SAMD5: variants seen among roughly 807,000 people sequenced by gnomAD.
The protein encoded by SAMD5 is sterile alpha motif domain containing 5.
Under a neutral mutation model 11.3 loss-of-function variants are expected in SAMD5, and 13 were observed. That is an observed-to-expected ratio of 1.15 (90% CI 0.75 to 1.83). The LOEUF (loss-of-function observed/expected upper bound fraction) is 1.83, where lower values mean the gene tolerates loss of function less well. SAMD5 is among the 40% of genes most tolerant of loss of function. SAMD5 has a pLI of 0.00. For missense variants in SAMD5, 255 were observed against 239.1 expected, an observed-to-expected ratio of 1.07 and a Z score of -0.44; for synonymous variants, 129 against 111.3, an observed-to-expected ratio of 1.16 and a Z score of -1.00.
rs75521856 is a variant in SAMD5, at chr6:147,512,118, C to T, written c.459+2731C>T. Among the ~76,000 whole-genome samples the T allele has an allele frequency of 3.5e-4, 54 of 152,198 alleles. No individual in the cohort carries two copies. The East Asian group carries it at 5.6e-3, about 16-fold the overall frequency. ...GATTACAGGCACCTGCCACCACGCC[C>T]GGCTAAGTTTTGTAGTTTTAGTAGA... On this transcript the variant is annotated intron_variant, in intron 1 of 1. Transcript: ENST00000367474.
At chr6:147,768,638 CTATTT>C in the SAMD5 span, among the ~76,000 whole-genome samples, 9 of 152,038 alleles carry the variant, frequency 5.9e-5, no homozygotes, top group African/African-American at 9.7e-5. Flanking sequence ...ATACTTATAC[CTATTT>C]TATTTTATTT....
chr6:147,508,876 C>A lies in SAMD5; in HGVS notation c.-53C>A. 1 of 1,575,894 alleles carries A rather than the reference C, an allele frequency of 6.3e-7. No homozygotes were observed. Among genetic ancestry groups the A allele is most frequent in the Non-Finnish European group, 8.6e-7 (1 of 1,163,142 alleles). ...AAAAGTTCCAAGAACTGGTGCCGCC[C>A]GTGCCATTTGGGCGCTGGGAAGGTG... On this transcript the variant is annotated 5_prime_UTR_variant, in exon 1 of 2. Transcript: ENST00000367474.
chr6:147,679,399 A>G (rs1283880174), intron 1 of SAMD5, among the ~76,000 whole-genome samples: 2 of 152,124 alleles, frequency 1.3e-5, no homozygotes, highest in Non-Finnish European at 2.9e-5. Flanking sequence ...TTAATGATGA[A>G]TGATGTCAGG....
At chr6:147,880,652 C>G in the SAMD5 span, among the ~76,000 whole-genome samples, 3 of 152,064 alleles carry the variant, frequency 2.0e-5, no homozygotes, top group Admixed American at 2.0e-4. Context: ...ACTTGGGAAC[C>G]TTGTCCTCTC....
the SAMD5 span, among the ~76,000 whole-genome samples, chr6:147,745,739 T>A: frequency 6.6e-5 from 10 of 152,040 alleles, no homozygotes; most frequent in Non-Finnish European, 1.0e-4. Flanking sequence ...GAAAAGCTCC[T>A]GTACTAGCTG....
intron 1 of SAMD5, among the ~76,000 whole-genome samples, chr6:147,544,958 A>G (rs1788663067): frequency 6.6e-6 from 1 of 152,242 alleles, no homozygotes; most frequent in Admixed American, 6.5e-5. Context: ...GATTTCAATT[A>G]GAGTTTGTAG....
chr6:147,848,054 A>C, the SAMD5 span, among the ~76,000 whole-genome samples: 1 of 152,206 alleles, frequency 6.6e-6, no homozygotes, highest in Non-Finnish European at 1.5e-5. Context: ...TCCATAACAT[A>C]ACTTTTGATG....
chr6:147,597,559 G>T (rs138539571), intron 1 of SAMD5, among the ~76,000 whole-genome samples: 1 of 152,086 alleles, frequency 6.6e-6, no homozygotes, highest in Non-Finnish European at 1.5e-5. Context: ...ACTGGAAAGC[G>T]TACTTACAAA....
In SAMD5 at chr6:147,565,747, A is replaced by G. The variant is rs1789028920; in HGVS notation, c.*1291A>G. The G allele has an allele frequency of 3.0e-6, 3 of 985,042 alleles. No homozygotes were observed. The African/African-American group carries it at 5.2e-5, about 17-fold the overall frequency. 61.0% of individuals were successfully genotyped at this position (985,042 alleles called of 1,614,324 possible). On this transcript the variant is annotated 3_prime_UTR_variant, in exon 2 of 2. Transcript: ENST00000367474. Reference sequence around the variant, plus strand: ...AGCGCTGGGATTACAGGCGTGAGCCATCACACCCGGCCTGGATGCTGGTAG... The same window carrying G: ...AGCGCTGGGATTACAGGCGTGAGCCGTCACACCCGGCCTGGATGCTGGTAG...
At chr6:147,849,439 G>T in the SAMD5 span, among the ~76,000 whole-genome samples, 1 of 151,750 alleles carries the variant, frequency 6.6e-6, no homozygotes, top group Non-Finnish European at 1.5e-5. Context: ...AAAGAAATAC[G>T]TACTTTTTTT....
chr6:147,909,610 T>TTCTCTCTCTCTCTC, the SAMD5 span, among the ~76,000 whole-genome samples: 17 of 59,752 alleles, frequency 2.8e-4, no homozygotes, highest in Admixed American at 2.3e-3. Flanking sequence ...CTTTCTTTCT[T>TTCTCTCTCTCTCTC]TCTTTCTTTC....
intron 1 of SAMD5, among the ~76,000 whole-genome samples, chr6:147,598,397 T>C (rs1010287110): frequency 1.3e-5 from 2 of 152,186 alleles, no homozygotes; most frequent in African/African-American, 4.8e-5. Flanking sequence ...ATGTTGGGAT[T>C]ACAGGCATGA....
At chr6:147,871,292 C>A in the SAMD5 span, among the ~76,000 whole-genome samples, 3 of 152,004 alleles carry the variant, frequency 2.0e-5, no homozygotes, top group Non-Finnish European at 4.4e-5. Flanking sequence ...TTACATATGA[C>A]AAATTTTTTT....
chr6:147,671,707 A>C, intron 1 of SAMD5, among the ~76,000 whole-genome samples: 1 of 152,210 alleles, frequency 6.6e-6, no homozygotes, highest in East Asian at 1.9e-4. Context: ...GTTTTCATAA[A>C]AATTTTGGAT....
chr6:147,540,146 A>C (rs1788576732), intron 1 of SAMD5, among the ~76,000 whole-genome samples: 1 of 152,132 alleles, frequency 6.6e-6, no homozygotes, highest in South Asian at 2.1e-4. Context: ...TAGAGAAAGG[A>C]AAATTTAAGA....
At chr6:147,733,671 C>G (rs1372509549) in intron 1 of SAMD5, 2 of 258,790 alleles carry the variant, frequency 7.7e-6, no homozygotes, top group Non-Finnish European at 1.2e-5. Context: ...CTCCCTTATC[C>G]AAGAATTGCT....
In SAMD5 at chr6:147,711,701, T is replaced by C. The variant is rs921501012; in HGVS notation, c.163-25616T>C. Among the ~76,000 whole-genome samples, 14 of 152,224 alleles carry C rather than the reference T, an allele frequency of 9.2e-5. No homozygotes were observed. Among genetic ancestry groups the C allele is most frequent in the Non-Finnish European group, 1.0e-4 (7 of 68,036 alleles). ...TGCTGAATTTGTAATCAGATTGTAA[T>C]GAATTTCAGCTGAAGTATTAAGTTT... On this transcript the variant is annotated intron_variant, in intron 1 of 1. Coordinates refer to the SAMD5 transcript ENST00000566741. This position sits in a 1 kb window ranked among gnomAD's most constrained non-coding sequence, Gnocchi z 4.1.
the SAMD5 span, among the ~76,000 whole-genome samples, chr6:147,795,793 G>A: frequency 6.7e-6 from 1 of 150,092 alleles, no homozygotes; most frequent in Non-Finnish European, 1.5e-5. Context: ...TTGTGGTTTT[G>A]ATTTGCATTT....
At chr6:147,647,421 G>C (rs1458294177) in intron 1 of SAMD5, among the ~76,000 whole-genome samples, 3 of 151,918 alleles carry the variant, frequency 2.0e-5, no homozygotes, top group Non-Finnish European at 4.4e-5. Flanking sequence ...TTGAAAGAGG[G>C]GGGTTTGAAG....
Sources: allele counts gnomAD v4.1 joint callset (sites outside exome capture counted in the v4.1 genomes callset), GRCh38; gene constraint gnomAD v4.1.1; non-coding constraint Gnocchi (gnomAD v3.1); transcripts MANE v1.5; gene names NCBI Gene and HGNC (gene_info 2026-07-23, HGNC 2026-07-21).